Variants in NME7 observed in about 807,000 individuals in gnomAD.
The protein encoded by NME7 is nucleoside diphosphate kinase 7.
A neutral mutation model predicts 49.1 loss-of-function variants in NME7; 41 were observed. The ratio of observed to expected loss-of-function variants is 0.83; its 90% CI spans 0.65 to 1.08. The LOEUF (loss-of-function observed/expected upper bound fraction) is 1.08. Among genes scored for constraint, NME7 ranks in the 50% least tolerant of loss-of-function variants. NME7 has a pLI of 0.00. For synonymous variants in NME7, 139 were observed against 150.6 expected, an observed-to-expected ratio of 0.92 and a Z score of 0.56; for missense variants, 423 against 463.4, an observed-to-expected ratio of 0.91 and a Z score of 0.80.
chr1:169,281,753 A>G (rs113799014), intron 7 of NME7, among the ~76,000 whole-genome samples: 36,719 of 152,096 alleles, frequency 0.24, 5,473 homozygotes, highest in Non-Finnish European at 0.34. Flanking sequence ...AATTACGTTT[A>G]TCGATTTGTG....
intron 3 of NME7, chr1:169,310,742 T>C (rs1159846036): frequency 6.6e-6 from 1 of 152,164 alleles, no homozygotes; most frequent in Admixed American, 6.5e-5. Context: ...GTGTCCTCAT[T>C]TTACTAATGA....
intron 1 of NME7, among the ~76,000 whole-genome samples, chr1:169,335,904 T>C (rs1490326744): frequency 6.6e-6 from 1 of 151,816 alleles, no homozygotes; most frequent in Non-Finnish European, 1.5e-5. Context: ...CAAGGAAATT[T>C]TCACTTTGCC....
intron 10 of NME7, among the ~76,000 whole-genome samples, chr1:169,226,036 T>C (rs1431951528): frequency 6.6e-6 from 1 of 152,184 alleles, no homozygotes; most frequent in Non-Finnish European, 1.5e-5. Context: ...ATATATAATA[T>C]AGCCAGTTTA....
chr1:169,158,375 T>C (rs1182203788), intron 11 of NME7, among the ~76,000 whole-genome samples: 1 of 152,270 alleles, frequency 6.6e-6, no homozygotes, highest in Non-Finnish European at 1.5e-5. Flanking sequence ...TAAAACTTTT[T>C]ATTTTTTAAT....
intron 7 of NME7, among the ~76,000 whole-genome samples, chr1:169,252,897 C>G (rs1256513451): frequency 4.0e-5 from 6 of 149,370 alleles, no homozygotes; most frequent in African/African-American, 1.5e-4. Flanking sequence ...TTTCTGAGGG[C>G]TCTGTTCTGT....
intron 11 of NME7, among the ~76,000 whole-genome samples, chr1:169,140,073 T>C (rs573823984): frequency 6.6e-6 from 1 of 152,318 alleles, no homozygotes; most frequent in South Asian, 2.1e-4. Context: ...CACTGAAGTA[T>C]TGAGAGATAA....
At chr1:169,269,203 T>C (rs1432571223) in intron 7 of NME7, among the ~76,000 whole-genome samples, 1 of 133,028 alleles carries the variant, frequency 7.5e-6, no homozygotes, top group Non-Finnish European at 1.8e-5. Flanking sequence ...TACAGATCCT[T>C]AGGATATTTT....
intron 6 of NME7, among the ~76,000 whole-genome samples, chr1:169,295,969 T>A (rs1392510751): frequency 1.3e-5 from 2 of 152,082 alleles, no homozygotes; most frequent in African/African-American, 4.8e-5. Flanking sequence ...CTGCCTAATC[T>A]CTCCACCTGG....
intron 1 of NME7, among the ~76,000 whole-genome samples, chr1:169,348,753 T>A (rs1251348721): frequency 6.6e-6 from 1 of 152,058 alleles, no homozygotes; most frequent in East Asian, 1.9e-4. Context: ...CCATAGTAAT[T>A]TTGCAGAGCC....
intron 7 of NME7, among the ~76,000 whole-genome samples, chr1:169,279,426 G>T (rs897870562): frequency 6.6e-6 from 1 of 152,182 alleles, no homozygotes; most frequent in Non-Finnish European, 1.5e-5. Flanking sequence ...CTGCCAACTT[G>T]CAGTTTGATC....
At chr1:169,222,925 A>G (rs1488464378) in intron 10 of NME7, among the ~76,000 whole-genome samples, 1 of 152,204 alleles carries the variant, frequency 6.6e-6, no homozygotes, top group African/African-American at 2.4e-5. Flanking sequence ...ACCAACAACT[A>G]CAGCCTCCTA....
In NME7 at chr1:169,235,203, T is replaced by C. The variant is rs748872369; in HGVS notation, c.820-4A>G. ...CATTAACCCGATCCATATTGAACTA[T>C]ATTAAAAAATAAAACAAAACAAAAC... On this transcript the variant is annotated splice_region_variant and splice_polypyrimidine_tract_variant and intron_variant, in intron 8 of 11. Coordinates refer to ENST00000367811, the MANE Select transcript of NME7 (RefSeq NM_013330.5). 7.0e-5 allele frequency: 105 copies of C among 1,491,062 alleles called. No individual in the cohort carries two copies. The highest frequency in any genetic ancestry group is 9.1e-5 in the Non-Finnish European group (100 of 1,094,282). The allele number at this position is 1,491,062 out of a possible 1,614,324, so 92.4% of individuals were successfully genotyped here.
intron 7 of NME7, among the ~76,000 whole-genome samples, chr1:169,254,604 A>G (rs1367258248): frequency 6.7e-6 from 1 of 149,538 alleles, no homozygotes; most frequent in African/African-American, 2.4e-5. Flanking sequence ...GCCTTCTGCT[A>G]GCTTTTGAAT....
At chr1:169,200,328 G>T (rs1660511173) in intron 10 of NME7, among the ~76,000 whole-genome samples, 1 of 152,090 alleles carries the variant, frequency 6.6e-6, no homozygotes, top group Admixed American at 6.6e-5. Context: ...CAGGAAGAGG[G>T]TAGAGGAATT....
At chr1:169,263,221 A>G (rs562476298) in intron 7 of NME7, among the ~76,000 whole-genome samples, 1 of 134,000 alleles carries the variant, frequency 7.5e-6, no homozygotes, top group Admixed American at 7.3e-5. Context: ...AAACAACCAC[A>G]CTAGTTCTCC....
chr1:169,152,160 C>T (rs1340381301), intron 11 of NME7, among the ~76,000 whole-genome samples: 1 of 152,066 alleles, frequency 6.6e-6, no homozygotes, highest in Non-Finnish European at 1.5e-5. Flanking sequence ...ATAGCCTTTC[C>T]TTTGACTCTA....
intron 1 of NME7, among the ~76,000 whole-genome samples, chr1:169,359,551 T>G (rs2101987795): frequency 6.6e-6 from 1 of 151,418 alleles, no homozygotes; most frequent in Non-Finnish European, 1.5e-5. Flanking sequence ...ACAGGCAGTG[T>G]TATTATAGAT....
At position 169,273,487 on chromosome 1, in the gene NME7, T is replaced by G. The variant is rs189851052; in HGVS notation, c.754+13816A>C. On this transcript the variant is annotated intron_variant, in intron 7 of 11. Coordinates refer to ENST00000367811, the MANE Select transcript of NME7 (RefSeq NM_013330.5). Reference sequence around the variant, plus strand: ...TTTTTTTTTATTATTATACTTTAAGTTTTAGGGTACATGCGCACAATGTGC... The same window carrying G: ...TTTTTTTTTATTATTATACTTTAAGGTTTAGGGTACATGCGCACAATGTGC... Among the ~76,000 whole-genome samples, 47 of 131,694 alleles carry G rather than the reference T, an allele frequency of 3.6e-4. 7 individuals carry two copies. The East Asian group carries it at 8.4e-3, about 24-fold the overall frequency. 86.4% of individuals were successfully genotyped at this position (131,694 alleles called of 152,430 possible).
At chr1:169,350,245 A>AGGAGGAAGGAAGGAAGGAAGGAAG (rs1557835060) in intron 1 of NME7, among the ~76,000 whole-genome samples, 1 of 87,206 alleles carries the variant, frequency 1.1e-5, no homozygotes, top group South Asian at 4.3e-4. Context: ...AAAGAAAGAA[A>AGGAGGAAGGAAGGAAGGAAGGAAG]GAAGGAAGGA....
Sources: gnomAD v4.1 joint callset for allele counts (sites outside exome capture counted in the v4.1 genomes callset) on GRCh38, gnomAD v4.1.1 for gene constraint, MANE v1.5 for transcripts, NCBI Gene and HGNC (gene_info 2026-07-23, HGNC 2026-07-21) for gene names.